Variants in MPPED2 observed in about 807,000 individuals in gnomAD.
The protein encoded by MPPED2 is metallophosphoesterase MPPED2.
MPPED2 carries 5 observed loss-of-function variants against 33.0 expected under a neutral mutation model. The observed-to-expected ratio is 0.15, with a 90% CI of 0.08 to 0.32. The LOEUF (loss-of-function observed/expected upper bound fraction) is 0.32, where lower values mean the gene tolerates loss of function less well. Among genes scored for constraint, MPPED2 ranks in the 10% least tolerant of loss-of-function variants. The pLI is 1.00. For synonymous variants in MPPED2, 136 were observed against 141.9 expected, an observed-to-expected ratio of 0.96 and a Z score of 0.29; for missense variants, 275 against 372.1, an observed-to-expected ratio of 0.74 and a Z score of 2.15.
chr11:30,511,669 G>C (rs1458967451), intron 3 of MPPED2, among the ~76,000 whole-genome samples: 1 of 152,158 alleles, frequency 6.6e-6, no homozygotes, highest in Non-Finnish European at 1.5e-5. Context: ...GAACAGTATA[G>C]CAAGCACATA....
At chr11:30,567,303 C>T (rs924613995) in intron 2 of MPPED2, among the ~76,000 whole-genome samples, 1 of 152,278 alleles carries the variant, frequency 6.6e-6, no homozygotes, top group Non-Finnish European at 1.5e-5. Flanking sequence ...AACAATGAGG[C>T]TTACCCAGAG....
chr11:30,429,001 A>T (rs1190902217), intron 4 of MPPED2: 1 of 152,218 alleles, frequency 6.6e-6, no homozygotes, highest in Non-Finnish European at 1.5e-5. Flanking sequence ...AATTGAGTAG[A>T]TCTGTCACAA....
rs1421854874 is a variant in MPPED2, at chr11:30,482,504, C to A, written c.536+12792G>T. ...CTTGGGAAACATAATTTTTAAGAAT[C>A]GAGATGTCTACTTTTTGCATGATTT... On this transcript the variant is annotated intron_variant, in intron 4 of 6. Transcript: ENST00000358117. 2.0e-5 allele frequency among the ~76,000 whole-genome samples: 3 copies of A among 152,066 alleles called. No homozygotes were observed. The East Asian group carries it at 5.8e-4, about 29-fold the overall frequency.
intron 4 of MPPED2, among the ~76,000 whole-genome samples, chr11:30,450,807 A>G (rs1003683263): frequency 1.6e-4 from 25 of 152,242 alleles, no homozygotes; most frequent in African/African-American, 6.0e-4. Flanking sequence ...GAAACTCTGT[A>G]TCGGGTACAG....
At chr11:30,515,095 A>AAAAC (rs200340200) in intron 3 of MPPED2, among the ~76,000 whole-genome samples, 2,070 of 152,270 alleles carry the variant, frequency 0.014, 22 homozygotes, top group Middle Eastern at 0.044. Context: ...ACTCTATCTC[A>AAAAC]AAACAAACAA....
intron 4 of MPPED2, among the ~76,000 whole-genome samples, chr11:30,465,726 C>T (rs1308811756): frequency 6.6e-6 from 1 of 152,210 alleles, no homozygotes; most frequent in African/African-American, 2.4e-5. Context: ...TACAGTTGAC[C>T]CTTGAACAAC....
intron 4 of MPPED2, among the ~76,000 whole-genome samples, chr11:30,457,139 T>C (rs888207290): frequency 1.3e-5 from 2 of 152,286 alleles, no homozygotes; most frequent in East Asian, 1.9e-4. Context: ...TCAGCATTTA[T>C]GGAGTACAGC....
chr11:30,580,441 G>A lies in MPPED2; in HGVS notation c.-68C>T, dbSNP rs1037592404. 3.6e-5 allele frequency: 57 copies of A among 1,578,188 alleles called. No homozygotes were observed. Among genetic ancestry groups the A allele is most frequent in the Non-Finnish European group, 4.1e-5 (48 of 1,159,406 alleles). Reference sequence around the variant, plus strand: ...CAAAAGATGGAAGCAGGCATGGTGCGTTTCAGCCAACCTCTGAATCCAAGG... The same window carrying A: ...CAAAAGATGGAAGCAGGCATGGTGCATTTCAGCCAACCTCTGAATCCAAGG... On this transcript the variant is annotated 5_prime_UTR_variant, in exon 2 of 7. In the 5' UTR this introduces an upstream ATG that the reference lacks. Transcript: ENST00000358117.
chr11:30,532,129 G>A (rs766769575), intron 3 of MPPED2, among the ~76,000 whole-genome samples: 1 of 152,114 alleles, frequency 6.6e-6, no homozygotes, highest in Non-Finnish European at 1.5e-5. Flanking sequence ...GTAATGCAGG[G>A]GTACAGCATC....
At chr11:30,567,297 A>T (rs538127986) in intron 2 of MPPED2, among the ~76,000 whole-genome samples, 1 of 152,254 alleles carries the variant, frequency 6.6e-6, no homozygotes, top group South Asian at 2.1e-4. Flanking sequence ...GCGATCAACA[A>T]TGAGGCTTAC....
intron 4 of MPPED2, among the ~76,000 whole-genome samples, chr11:30,462,093 G>A (rs573887598): frequency 1.3e-5 from 2 of 152,290 alleles, no homozygotes; most frequent in Admixed American, 6.5e-5. Flanking sequence ...AATAATCTGC[G>A]TTAAAAAACT....
Position 30,554,669 on chromosome 11 carries a change from A to G in MPPED2, c.129-18494T>C, listed in dbSNP as rs528530554. Among the ~76,000 whole-genome samples, 150 of 152,036 alleles carry G rather than the reference A, an allele frequency of 9.9e-4. 3 individuals are homozygous for G. Among genetic ancestry groups the G allele is most frequent in the Admixed American group, 3.3e-3 (50 of 15,270 alleles). ...GCCACGACGCCCAGCTAATTTTTGC[A>G]TTTTTAGTAGAGATGGGGTTTCACT... On this transcript the variant is annotated intron_variant, in intron 2 of 6. Coordinates refer to ENST00000358117, the MANE Select transcript of MPPED2 (RefSeq NM_001584.3).
intron 3 of MPPED2, among the ~76,000 whole-genome samples, chr11:30,514,538 C>A (rs988636539): frequency 1.3e-5 from 2 of 152,068 alleles, no homozygotes; most frequent in Non-Finnish European, 2.9e-5. Flanking sequence ...GACTAAATTC[C>A]TTGTTTCTTA....
At chr11:30,516,714 C>T (rs11031121) in intron 3 of MPPED2, among the ~76,000 whole-genome samples, 1 of 152,060 alleles carries the variant, frequency 6.6e-6, no homozygotes, top group South Asian at 2.1e-4. Flanking sequence ...TAGATAAGTG[C>T]TAATGCTGGA....
chr11:30,568,100 C>T (rs538993421), intron 2 of MPPED2, among the ~76,000 whole-genome samples: 1 of 152,292 alleles, frequency 6.6e-6, no homozygotes, highest in East Asian at 1.9e-4. Context: ...TAATAGCCAC[C>T]ATACATGGAA....
intron 1 of MPPED2, among the ~76,000 whole-genome samples, chr11:30,581,783 C>T (rs1564918879): frequency 1.3e-5 from 2 of 152,136 alleles, no homozygotes; most frequent in African/African-American, 4.8e-5. Flanking sequence ...CAAATCATTG[C>T]CTTCTTCATA....
chr11:30,417,406 A>T, intron 5 of MPPED2, 112 bp downstream of exon 5: 1 of 526,774 alleles, frequency 1.9e-6, no homozygotes, highest in Non-Finnish European at 3.3e-6. Flanking sequence ...TTCTTCTCGT[A>T]TTCACTTTTT....
At chr11:30,447,209 C>T (rs1949851299) in intron 4 of MPPED2, among the ~76,000 whole-genome samples, 1 of 152,166 alleles carries the variant, frequency 6.6e-6, no homozygotes, top group Admixed American at 6.5e-5. Flanking sequence ...GGACCAAAAG[C>T]CATCCTAGGC....
intron 6 of MPPED2, among the ~76,000 whole-genome samples, chr11:30,412,645 T>C (rs935083458): frequency 8.5e-5 from 13 of 152,278 alleles, no homozygotes; most frequent in Middle Eastern, 3.4e-3. Context: ...GCTGTTTAGT[T>C]CTGGGGTCAT....
Sources: allele counts gnomAD v4.1 joint callset (sites outside exome capture counted in the v4.1 genomes callset), GRCh38; gene constraint gnomAD v4.1.1; transcripts MANE v1.5; gene names NCBI Gene and HGNC (gene_info 2026-07-23, HGNC 2026-07-21).